Variants in OTOGL observed in about 807,000 individuals in gnomAD.
The protein encoded by OTOGL is otogelin like, also known as otogelin-like protein.
OTOGL carries 285 observed loss-of-function variants against 318.5 expected under a neutral mutation model. That is an observed-to-expected ratio of 0.89 (90% CI 0.81 to 0.99). The LOEUF (loss-of-function observed/expected upper bound fraction) is 0.99, where lower values mean the gene tolerates loss of function less well. Ranked by LOEUF, OTOGL falls within the 50% of genes least tolerant of loss-of-function variation. The pLI, the probability that OTOGL is intolerant of heterozygous loss-of-function variation, is 0.00. For synonymous variants in OTOGL, 987 were observed against 936.5 expected (o/e 1.05, Z -0.99); for missense variants, 2,899 against 2,845.6 (o/e 1.02, Z -0.43).
At chr12:80,244,862 A>T (rs911301187) in intron 11 of OTOGL, among the ~76,000 whole-genome samples, 3 of 144,082 alleles carry the variant, frequency 2.1e-5, no homozygotes, top group African/African-American at 8.4e-5. Context: ...TGCCATTCTA[A>T]CTGGTGTGAG....
intron 55 of OTOGL, among the ~76,000 whole-genome samples, chr12:80,368,819 ATTTTT>A (rs35591526): frequency 8.4e-4 from 124 of 146,972 alleles, no homozygotes; most frequent in Middle Eastern, 3.6e-3. Flanking sequence ...GACAACTACT[ATTTTT>A]TTTTTTTTTT....
chr12:80,346,081 G>A (rs1319518643), intron 44 of OTOGL, among the ~76,000 whole-genome samples: 1 of 152,134 alleles, frequency 6.6e-6, no homozygotes, highest in Non-Finnish European at 1.5e-5. Context: ...TTCTTACGTG[G>A]ATATTAAGGG....
In OTOGL at chr12:80,265,634, AT is replaced by A. The variant is rs1882896262; in HGVS notation, c.2224+425del. ...TATTGGGGCTCTAATTTTCACACTTATGTTGTCTGCCATTTTCATTCATGGT... is the reference window on the plus strand; with the variant it reads ...TATTGGGGCTCTAATTTTCACACTTAGTTGTCTGCCATTTTCATTCATGGT... On this transcript the variant is annotated intron_variant, in intron 20 of 58. Transcript: ENST00000547103. 3 of 192,136 alleles carry A rather than the reference AT, an allele frequency of 1.6e-5. No individual in the cohort carries two copies. In the South Asian group the frequency reaches 2.8e-4, roughly 18 times the overall value. 11.9% of individuals were successfully genotyped at this position (192,136 alleles called of 1,614,324 possible).
chr12:80,302,786 A>C lies in OTOGL; in HGVS notation c.3213+3A>C. The C allele has an allele frequency of 6.8e-7, 1 of 1,477,230 alleles. No individual in the cohort carries two copies. The highest frequency in any genetic ancestry group is 1.4e-5 in the African/African-American group (1 of 70,608). 91.5% of individuals were successfully genotyped at this position (1,477,230 alleles called of 1,614,324 possible). A position where few individuals can be genotyped will look rare whatever the true frequency, so the allele number is the denominator to read the frequency against. On this transcript the variant is annotated splice_donor_region_variant and intron_variant, in intron 28 of 58. Transcript: ENST00000547103. ...TCAAAGTTGGGCCACAGTGGAAGGT[A>C]GGTCAACCTAAGCTCCAAATGAGAT...
At chr12:80,283,732 G>A (rs1016108396) in intron 26 of OTOGL, among the ~76,000 whole-genome samples, 2 of 152,002 alleles carry the variant, frequency 1.3e-5, no homozygotes, top group Non-Finnish European at 2.9e-5. Context: ...ATGCATACAC[G>A]AGCTTTCAAT....
intron 1 of OTOGL, among the ~76,000 whole-genome samples, chr12:80,199,307 TGG>T (rs1454860528): frequency 1.3e-5 from 2 of 152,256 alleles, no homozygotes; most frequent in Non-Finnish European, 2.9e-5. Context: ...CTTGGTTCTC[TGG>T]CTAACTCCAG....
chr12:80,173,645 C>T (rs1271836354), intron 1 of OTOGL, among the ~76,000 whole-genome samples: 2 of 152,134 alleles, frequency 1.3e-5, no homozygotes, highest in African/African-American at 4.8e-5. Flanking sequence ...GCTAAGAATG[C>T]CTGACCTCCT....
At chr12:80,288,739 T>C (rs1884818222) in intron 26 of OTOGL, among the ~76,000 whole-genome samples, 1 of 152,042 alleles carries the variant, frequency 6.6e-6, no homozygotes. Flanking sequence ...GTCTTTCAAC[T>C]CCACCAGGTC....
At position 80,241,336 on chromosome 12, in the gene OTOGL, G is replaced by A. The variant is rs2137442245; in HGVS notation, c.1052+1897G>A. On this transcript the variant is annotated intron_variant, in intron 11 of 58. Transcript: ENST00000547103. ...CAAGGATTCCTGAACTAATGCAGGA[G>A]CCTTGAAAGAACCCCCACTCTGCCT... Among the ~76,000 whole-genome samples, 6 of 152,226 alleles carry A rather than the reference G, an allele frequency of 3.9e-5. 1 individual carries two copies. Among genetic ancestry groups the A allele is most frequent in the Admixed American group, 3.9e-4 (6 of 15,288 alleles).
chr12:80,171,855 T>G (rs1471669375), intron 1 of OTOGL, among the ~76,000 whole-genome samples: 1 of 152,164 alleles, frequency 6.6e-6, no homozygotes, highest in Non-Finnish European at 1.5e-5. Context: ...AAATATTCTC[T>G]ATTATTCTTC....
At chr12:80,302,303 T>C (rs1247740695) in intron 27 of OTOGL, among the ~76,000 whole-genome samples, 1 of 152,222 alleles carries the variant, frequency 6.6e-6, no homozygotes, top group Admixed American at 6.5e-5. Flanking sequence ...ATCACAGATG[T>C]AAAATTTCTG....
intron 52 of OTOGL, among the ~76,000 whole-genome samples, chr12:80,362,574 T>C (rs767566796): frequency 1.4e-4 from 22 of 152,200 alleles, no homozygotes; most frequent in Admixed American, 1.2e-3. Context: ...TTGAGTAGTA[T>C]AGATATCTTA....
At chr12:80,329,223 C>T in intron 37 of OTOGL, 104 bp downstream of exon 37, 5 of 888,258 alleles carry the variant, frequency 5.6e-6, no homozygotes, top group Non-Finnish European at 8.0e-6. Flanking sequence ...TTAATACTAC[C>T]TATGGGCTAG....
At chr12:80,208,901 A>G (rs1877020056) in intron 1 of OTOGL, among the ~76,000 whole-genome samples, 2 of 152,190 alleles carry the variant, frequency 1.3e-5, no homozygotes, top group Non-Finnish European at 2.9e-5. Flanking sequence ...GTTTTAGTGT[A>G]CTTTTTAATT....
At chr12:80,125,395 A>G (rs1464570357) in intron 1 of OTOGL, among the ~76,000 whole-genome samples, 1 of 152,162 alleles carries the variant, frequency 6.6e-6, no homozygotes, top group Admixed American at 6.5e-5. Context: ...AGCCCACTTG[A>G]TCATGGTGGA....
In OTOGL at chr12:80,378,071, A is replaced by G. The variant is rs561913788; in HGVS notation, c.*23A>G. On this transcript the variant is annotated 3_prime_UTR_variant, in exon 59 of 59. Transcript: ENST00000547103. ...TAAACCCTTGGGTTCCAAGAGCTCT[A>G]TACAACATCATAACGTCAGATAGAA... is the stretch of plus-strand genomic sequence containing the variant. 8.1e-6 allele frequency: 12 copies of G among 1,480,190 alleles called. No individual in the cohort carries two copies. The East Asian group carries it at 2.4e-4, about 30-fold the overall frequency. 91.7% of individuals were successfully genotyped at this position (1,480,190 alleles called of 1,614,324 possible).
chr12:80,150,460 T>C (rs1872716830), intron 1 of OTOGL, among the ~76,000 whole-genome samples: 1 of 152,186 alleles, frequency 6.6e-6, no homozygotes, highest in South Asian at 2.1e-4. Context: ...AAGGGGAATG[T>C]TAAGGACTCA....
intron 7 of OTOGL, among the ~76,000 whole-genome samples, chr12:80,228,245 A>T (rs1407154298): frequency 6.6e-6 from 1 of 152,140 alleles, no homozygotes; most frequent in Non-Finnish European, 1.5e-5. Context: ...GTTTGAGACC[A>T]GCCTGGCTAA....
chr12:80,350,951 G>A (rs1270220976), intron 44 of OTOGL, among the ~76,000 whole-genome samples: 1 of 151,956 alleles, frequency 6.6e-6, no homozygotes, highest in Non-Finnish European at 1.5e-5. Flanking sequence ...TCTGTACTTT[G>A]GGGTTCATAG....
Sources: gnomAD v4.1 joint callset for allele counts (sites outside exome capture counted in the v4.1 genomes callset) on GRCh38, gnomAD v4.1.1 for gene constraint, MANE v1.5 for transcripts, NCBI Gene and HGNC (gene_info 2026-07-23, HGNC 2026-07-21) for gene names.